Variants in LTBP1 observed in about 807,000 individuals in gnomAD.
The protein encoded by LTBP1 is latent-transforming growth factor beta-binding protein 1.
A neutral mutation model predicts 207.6 loss-of-function variants in LTBP1; 129 were observed. The observed-to-expected ratio is 0.62, with a 90% confidence interval of 0.54 to 0.72. LTBP1 has a LOEUF of 0.72. LTBP1 is among the 30% of genes least tolerant of loss of function. The pLI is 0.00. For synonymous variants in LTBP1, 963 were observed against 833.7 expected, an observed-to-expected ratio of 1.16 and a Z score of -2.67; for missense variants, 2,281 against 2,217.2, an observed-to-expected ratio of 1.03 and a Z score of -0.58.
At chr2:33,246,043 T>G (rs1373630233) in intron 10 of LTBP1, among the ~76,000 whole-genome samples, 2 of 152,224 alleles carry the variant, frequency 1.3e-5, no homozygotes, top group Non-Finnish European at 2.9e-5. Flanking sequence ...CCCAAATAAT[T>G]CTGAACTTAT....
At chr2:33,285,448 TTTC>T (rs1224522542) in intron 19 of LTBP1, among the ~76,000 whole-genome samples, 6 of 110,720 alleles carry the variant, frequency 5.4e-5, no homozygotes, top group Non-Finnish European at 1.1e-4. Flanking sequence ...TTTCTTTCTT[TTTC>T]TTTTTTTTTT....
intron 3 of LTBP1, among the ~76,000 whole-genome samples, chr2:33,041,682 C>T (rs1044916006): frequency 1.3e-4 from 20 of 152,158 alleles, no homozygotes; most frequent in Non-Finnish European, 1.9e-4. Flanking sequence ...TTAATGAACA[C>T]CTGCTATGTG....
chr2:33,318,706 C>T (rs574346028), intron 24 of LTBP1, among the ~76,000 whole-genome samples: 2 of 152,186 alleles, frequency 1.3e-5, no homozygotes, highest in African/African-American at 2.4e-5. Flanking sequence ...TGCCACCTTC[C>T]TTTCACGCTA....
In LTBP1 at chr2:33,262,016, T is replaced by C. The variant is rs566271401; in HGVS notation, c.2419-706T>C. ...CCTTAACTAGGCTAATTGTTCAGTC[T>C]GCCTGAGCCCTGCACAGTTGTAAAT... is the stretch of plus-strand genomic sequence containing the variant. On this transcript the variant is annotated intron_variant, in intron 13 of 33. Coordinates refer to ENST00000404816, the MANE Select transcript of LTBP1 (RefSeq NM_206943.4). Among the ~76,000 whole-genome samples, 61 of 152,336 alleles carry C rather than the reference T, an allele frequency of 4.0e-4. 1 individual carries two copies. In the South Asian group the frequency reaches 0.012, roughly 30 times the overall value.
intron 20 of LTBP1, among the ~76,000 whole-genome samples, chr2:33,299,848 G>T (rs545501451): frequency 6.6e-6 from 1 of 152,204 alleles, no homozygotes; most frequent in South Asian, 2.1e-4. Flanking sequence ...ATTTTATCTT[G>T]TCAAAGCATG....
At chr2:33,094,166 G>A (rs1253193227) in intron 3 of LTBP1, among the ~76,000 whole-genome samples, 1 of 151,988 alleles carries the variant, frequency 6.6e-6, no homozygotes, top group Non-Finnish European at 1.5e-5. Flanking sequence ...CAACTTGTTT[G>A]GAATAAATTT....
chr2:32,972,121 T>TTA (rs967290070), intron 2 of LTBP1, among the ~76,000 whole-genome samples: 4 of 134,026 alleles, frequency 3.0e-5, no homozygotes, highest in Admixed American at 1.5e-4. Context: ...TTTTTTGTTT[T>TTA]TTTTTTTCTG....
At chr2:33,293,385 T>G (rs960446757) in intron 20 of LTBP1, 103 bp downstream of exon 20, 9 of 1,213,022 alleles carry the variant, frequency 7.4e-6, no homozygotes, top group Non-Finnish European at 8.9e-6. Context: ...TGTGTTTATT[T>G]TGACCGAGCG....
At chr2:33,295,254 G>A (rs536745433) in intron 20 of LTBP1, among the ~76,000 whole-genome samples, 1 of 151,500 alleles carries the variant, frequency 6.6e-6, no homozygotes, top group Non-Finnish European at 1.5e-5. Context: ...ATATATAAAC[G>A]TATGTACATG....
At chr2:32,957,077 G>A (rs577236669) in intron 2 of LTBP1, among the ~76,000 whole-genome samples, 95 of 152,318 alleles carry the variant, frequency 6.2e-4, no homozygotes, top group African/African-American at 2.1e-3. Context: ...GAGCACAGGC[G>A]AAGCAGATTT....
In LTBP1 at chr2:33,338,593, G is replaced by A. The variant is rs370802107; in HGVS notation, c.3731-4245G>A. Among the ~76,000 whole-genome samples, 49 of 152,248 alleles carry A rather than the reference G, an allele frequency of 3.2e-4. No homozygotes were observed. The South Asian group carries it at 8.9e-3, about 28-fold the overall frequency. Reference sequence around the variant, plus strand: ...CACAAAATGCTCTGGGACTGGAGAGGAGAGGCCCTGAGATCTGCTTGTGGA... The same window carrying A: ...CACAAAATGCTCTGGGACTGGAGAGAAGAGGCCCTGAGATCTGCTTGTGGA... On this transcript the variant is annotated intron_variant, in intron 24 of 33. Coordinates refer to ENST00000404816, the MANE Select transcript of LTBP1 (RefSeq NM_206943.4).
intron 7 of LTBP1, among the ~76,000 whole-genome samples, chr2:33,189,287 C>T (rs2087573408): frequency 6.6e-6 from 1 of 152,200 alleles, no homozygotes; most frequent in African/African-American, 2.4e-5. Flanking sequence ...CTTCCACCTC[C>T]CAGCTTCAAG....
intron 11 of LTBP1, among the ~76,000 whole-genome samples, chr2:33,256,734 A>ATATATATATATATATC (rs2092866870): frequency 1.5e-4 from 2 of 12,988 alleles, no homozygotes; most frequent in Admixed American, 1.9e-3. Context: ...CTATATATAT[A>ATATATATATATATATC]TATATATATA....
At chr2:33,160,516 A>G (rs557836814) in intron 5 of LTBP1, among the ~76,000 whole-genome samples, 2 of 152,178 alleles carry the variant, frequency 1.3e-5, no homozygotes, top group South Asian at 4.1e-4. Flanking sequence ...GCTCCTGCAG[A>G]TGAGGTACCA....
chr2:33,180,981 A>T (rs1331829756), intron 5 of LTBP1, among the ~76,000 whole-genome samples: 2 of 110,782 alleles, frequency 1.8e-5, no homozygotes, highest in Non-Finnish European at 4.0e-5. Context: ...GGAAAGTCAA[A>T]TCAAAATCAT....
In LTBP1 at chr2:33,298,203, A is replaced by G. The variant is rs137987380; in HGVS notation, c.3236-2248A>G. Among the ~76,000 whole-genome samples the G allele has an allele frequency of 1.5e-3, 235 of 152,322 alleles. 1 individual carries two copies. Among genetic ancestry groups the G allele is most frequent in the Middle Eastern group, 3.4e-3 (1 of 294 alleles). ...AAAAATATTTTTATCCCTAGAATTA[A>G]TCTATCTTTGTTCCCTTGGTCATTT... On this transcript the variant is annotated intron_variant, in intron 20 of 33. Transcript: ENST00000404816.
chr2:33,017,868 G>A (rs1231376202), intron 2 of LTBP1, among the ~76,000 whole-genome samples: 2 of 152,006 alleles, frequency 1.3e-5, no homozygotes, highest in Non-Finnish European at 2.9e-5. Flanking sequence ...CGCCCACCTC[G>A]GCCTCCCAAA....
chr2:33,087,401 C>G (rs1034360935), intron 3 of LTBP1, among the ~76,000 whole-genome samples: 6 of 152,146 alleles, frequency 3.9e-5, no homozygotes, highest in Non-Finnish European at 8.8e-5. Context: ...ACCACTGTTG[C>G]ACTTTCAGCA....
At chr2:33,109,525 A>G (rs564554238) in intron 3 of LTBP1, among the ~76,000 whole-genome samples, 124 of 152,358 alleles carry the variant, frequency 8.1e-4, no homozygotes, top group African/African-American at 2.8e-3. Context: ...GGCTTATTTT[A>G]AAATATGAAT....
Sources: allele counts gnomAD v4.1 joint callset (sites outside exome capture counted in the v4.1 genomes callset), GRCh38; gene constraint gnomAD v4.1.1; transcripts MANE v1.5; gene names NCBI Gene and HGNC (gene_info 2026-07-23, HGNC 2026-07-21).